Variants in SRRM4 observed in about 807,000 individuals in gnomAD.
SRRM4 encodes the protein serine/arginine repetitive matrix 4.
Under a neutral mutation model 68.9 loss-of-function variants are expected in SRRM4, and 33 were observed. The observed-to-expected ratio is 0.48, with a 90% CI of 0.36 to 0.64. The LOEUF (loss-of-function observed/expected upper bound fraction) is 0.64, where lower values mean the gene tolerates loss of function less well. Ranked by LOEUF, SRRM4 falls within the 30% of genes least tolerant of loss-of-function variation. SRRM4 has a pLI of 0.00. For synonymous variants in SRRM4, 318 were observed against 318.8 expected (o/e 1.00, Z 0.03); for missense variants, 817 against 827.1 (o/e 0.99, Z 0.15).
chr12:119,139,870 C>CT (rs5801317), intron 8 of SRRM4, among the ~76,000 whole-genome samples: 18 of 151,302 alleles, frequency 1.2e-4, no homozygotes, highest in African/African-American at 1.7e-4. Flanking sequence ...TAAGGAGCAC[C>CT]TTTTTTTTTC....
chr12:119,135,448 C>T (rs905474856), intron 8 of SRRM4, among the ~76,000 whole-genome samples: 6 of 152,152 alleles, frequency 3.9e-5, no homozygotes, highest in Non-Finnish European at 7.3e-5. Context: ...AAGCAGAACT[C>T]GTAGTCCATA....
At chr12:119,089,215 C>A (rs941293828) in intron 1 of SRRM4, among the ~76,000 whole-genome samples, 1 of 152,048 alleles carries the variant, frequency 6.6e-6, no homozygotes, top group Non-Finnish European at 1.5e-5. Flanking sequence ...CTGTTTTTGC[C>A]GAAACCCACC....
At chr12:119,049,782 T>C (rs956667980) in intron 1 of SRRM4, among the ~76,000 whole-genome samples, 2 of 152,180 alleles carry the variant, frequency 1.3e-5, no homozygotes, top group Non-Finnish European at 2.9e-5. Flanking sequence ...CTCTTTGGCT[T>C]ACAGATGGCT....
intron 5 of SRRM4, among the ~76,000 whole-genome samples, chr12:119,121,622 C>A (rs1286302477): frequency 6.6e-6 from 1 of 152,188 alleles, no homozygotes; most frequent in Non-Finnish European, 1.5e-5. Context: ...TCCTAGCTCA[C>A]CTGCGCAATC....
intron 8 of SRRM4, among the ~76,000 whole-genome samples, chr12:119,142,919 A>G (rs982917896): frequency 3.9e-5 from 6 of 152,212 alleles, no homozygotes; most frequent in Non-Finnish European, 8.8e-5. Context: ...AAGAAGACAA[A>G]TAAATAGGAG....
At position 119,159,807 on chromosome 12, in the gene SRRM4, C is replaced by A. The variant is rs563633557; in HGVS notation, c.*3009C>A. ...GCCATCTTGCTTGAGAACCACCAAG[C>A]CAAAAGCAAAAGCTTTTATCTATGA... On this transcript the variant is annotated 3_prime_UTR_variant, in exon 13 of 13. Coordinates refer to ENST00000267260, the MANE Select transcript of SRRM4 (RefSeq NM_194286.4). 1 of 151,920 alleles carries A rather than the reference C, an allele frequency of 6.6e-6. No individual in the cohort carries two copies. Among genetic ancestry groups the A allele is most frequent in the South Asian group, 2.1e-4 (1 of 4,810 alleles). 9.4% of individuals were successfully genotyped at this position (151,920 alleles called of 1,614,324 possible).
At chr12:119,084,306 T>C (rs1013292452) in intron 1 of SRRM4, among the ~76,000 whole-genome samples, 1 of 152,146 alleles carries the variant, frequency 6.6e-6, no homozygotes, top group Non-Finnish European at 1.5e-5. Context: ...AGGAGCTACC[T>C]CTTCTGGAAG....
intron 1 of SRRM4, among the ~76,000 whole-genome samples, chr12:119,024,809 A>G (rs1953537531): frequency 6.6e-6 from 1 of 151,986 alleles, no homozygotes; most frequent in African/African-American, 2.4e-5. Flanking sequence ...GTGTAACATG[A>G]GTGTTTTTCA....
chr12:119,153,885 C>T (rs1954455371), intron 11 of SRRM4, among the ~76,000 whole-genome samples: 1 of 152,096 alleles, frequency 6.6e-6, no homozygotes, highest in Non-Finnish European at 1.5e-5. Flanking sequence ...AATTCACATC[C>T]CCAGCCCTCA....
intron 1 of SRRM4, among the ~76,000 whole-genome samples, chr12:119,062,288 G>A (rs1695143517): frequency 6.6e-6 from 1 of 152,236 alleles, no homozygotes; most frequent in African/African-American, 2.4e-5. Context: ...GAGCCAGGGA[G>A]AGAATGGTGA....
At chr12:119,035,502 A>G (rs906700905) in intron 1 of SRRM4, among the ~76,000 whole-genome samples, 4 of 152,058 alleles carry the variant, frequency 2.6e-5, no homozygotes, top group Admixed American at 2.0e-4. Flanking sequence ...CCATTCTACA[A>G]TTTTGGGTGT....
At chr12:119,012,200 C>CCATT (rs1298454508) in intron 1 of SRRM4, among the ~76,000 whole-genome samples, 3 of 152,170 alleles carry the variant, frequency 2.0e-5, no homozygotes, top group African/African-American at 4.8e-5. Flanking sequence ...TGAAAGGGCA[C>CCATT]CATTCATTCA....
At chr12:119,151,418 G>A (rs79805503) in intron 10 of SRRM4, among the ~76,000 whole-genome samples, 198 bp downstream of exon 10, 3,929 of 150,556 alleles carry the variant, frequency 0.026, 190 homozygotes, top group African/African-American at 0.091. Context: ...GCAATATGAA[G>A]AAATAGCAAT....
chr12:119,068,073 C>T (rs571926127), intron 1 of SRRM4, among the ~76,000 whole-genome samples: 8 of 152,210 alleles, frequency 5.3e-5, no homozygotes, highest in Admixed American at 1.3e-4. Flanking sequence ...AGCCCAGGAC[C>T]GTGGCAGCGT....
intron 1 of SRRM4, among the ~76,000 whole-genome samples, chr12:119,070,398 A>G (rs1953871254): frequency 6.6e-6 from 1 of 152,196 alleles, no homozygotes. Context: ...CGGATTTTAG[A>G]GTAGGGGCAT....
intron 1 of SRRM4, among the ~76,000 whole-genome samples, chr12:119,018,209 C>A (rs1417592037): frequency 1.3e-5 from 2 of 152,076 alleles, no homozygotes; most frequent in African/African-American, 4.8e-5. Flanking sequence ...GGCTTTAAGG[C>A]AATATTTGCA....
At chr12:119,108,045 T>A (rs1954117897) in intron 2 of SRRM4, among the ~76,000 whole-genome samples, 1 of 152,222 alleles carries the variant, frequency 6.6e-6, no homozygotes, top group South Asian at 2.1e-4. Flanking sequence ...AAAGAACATC[T>A]TTATTTCTGC....
chr12:119,088,296 C>A (rs1226349346), intron 1 of SRRM4, among the ~76,000 whole-genome samples: 1 of 152,100 alleles, frequency 6.6e-6, no homozygotes, highest in East Asian at 1.9e-4. Context: ...GTCACTGGGG[C>A]CAGTCCCCTG....
intron 1 of SRRM4, among the ~76,000 whole-genome samples, chr12:119,045,444 C>T (rs1025317741): frequency 6.6e-6 from 1 of 152,046 alleles, no homozygotes; most frequent in Non-Finnish European, 1.5e-5. Flanking sequence ...GGCTTTGTCT[C>T]TGCCCCCTAT....
Sources: allele counts gnomAD v4.1 joint callset (sites outside exome capture counted in the v4.1 genomes callset), GRCh38; gene constraint gnomAD v4.1.1; transcripts MANE v1.5; gene names NCBI Gene and HGNC (gene_info 2026-07-23, HGNC 2026-07-21).